RHBDL3: variants seen among roughly 807,000 people sequenced by gnomAD.
RHBDL3 encodes the protein rhomboid-related protein 3.
A neutral mutation model predicts 48.2 loss-of-function variants in RHBDL3; 28 were observed. That is an observed-to-expected ratio of 0.58 (90% CI 0.43 to 0.80). The LOEUF is 0.80. RHBDL3 is among the 30% of genes least tolerant of loss of function. RHBDL3 has a pLI of 0.00. For synonymous variants in RHBDL3, 208 were observed against 232.3 expected, an observed-to-expected ratio of 0.90 and a Z score of 0.95; for missense variants, 464 against 542.7, an observed-to-expected ratio of 0.85 and a Z score of 1.44.
intron 7 of RHBDL3, among the ~76,000 whole-genome samples, 200 bp downstream of exon 7, chr17:32,305,641 G>C (rs1567784152): frequency 6.6e-6 from 1 of 152,126 alleles, no homozygotes; most frequent in African/African-American, 2.4e-5. Flanking sequence ...CTCCAGTCAC[G>C]GCTTGGCCTA....
At chr17:32,282,330 G>A (rs1220695616) in intron 2 of RHBDL3, among the ~76,000 whole-genome samples, 1 of 152,202 alleles carries the variant, frequency 6.6e-6, no homozygotes, top group Non-Finnish European at 1.5e-5. Context: ...ACTTTGGGAA[G>A]CTGAGGCAGG....
intron 6 of RHBDL3, among the ~76,000 whole-genome samples, chr17:32,303,618 G>T (rs954508512): frequency 6.6e-6 from 1 of 152,204 alleles, no homozygotes; most frequent in South Asian, 2.1e-4. Context: ...GGAGGACTTG[G>T]GAGTCCTCAG....
At chr17:32,286,646 T>C (rs1473883948) in intron 3 of RHBDL3, among the ~76,000 whole-genome samples, 3 of 152,250 alleles carry the variant, frequency 2.0e-5, no homozygotes, top group African/African-American at 7.2e-5. Context: ...CTGCATCCTT[T>C]GTGAGCCTTT....
At chr17:32,314,876 C>T (rs2040934036) in intron 7 of RHBDL3, among the ~76,000 whole-genome samples, 1 of 152,200 alleles carries the variant, frequency 6.6e-6, no homozygotes, top group Non-Finnish European at 1.5e-5. Context: ...CAGATGACAC[C>T]GATATCCTGC....
chr17:32,267,875 C>T (rs1361901647), intron 1 of RHBDL3, 27 bp from the exon 2 acceptor site: 1 of 1,613,988 alleles, frequency 6.2e-7, no homozygotes, highest in East Asian at 2.2e-5. Flanking sequence ...TCTTCTTCCT[C>T]TCCTGCATGG....
intron 2 of RHBDL3, among the ~76,000 whole-genome samples, chr17:32,281,906 C>G (rs1436275028): frequency 6.6e-6 from 1 of 152,198 alleles, no homozygotes; most frequent in African/African-American, 2.4e-5. Context: ...GGCACCTGGC[C>G]ATGGCTTAGA....
At chr17:32,284,865 T>A in intron 3 of RHBDL3, 48 bp downstream of exon 3, 1 of 1,524,808 alleles carries the variant, frequency 6.6e-7, no homozygotes. Context: ...GTTTGAGGGT[T>A]ATGGCTTCCA....
Position 32,323,774 on chromosome 17 carries a change from C to G in RHBDL3, c.*2545C>G, listed in dbSNP as rs1440821591. On this transcript the variant is annotated 3_prime_UTR_variant, in exon 9 of 9. Transcript: ENST00000269051. ...TTAGACCACCAGCCCCAGCTGTTCTCTGTCAGCACACCCACCTCCATCCCC... is the reference window on the plus strand; with the variant it reads ...TTAGACCACCAGCCCCAGCTGTTCTGTGTCAGCACACCCACCTCCATCCCC... 6.6e-6 allele frequency: 1 copy of G among 152,574 alleles called. No homozygotes were observed. Among genetic ancestry groups the G allele is most frequent in the East Asian group, 1.9e-4 (1 of 5,204 alleles). 9.5% of individuals were successfully genotyped at this position (152,574 alleles called of 1,614,324 possible). A position where few individuals can be genotyped will look rare whatever the true frequency, so the allele number is the denominator to read the frequency against.
Position 32,284,702 on chromosome 17 carries a change from G to A in RHBDL3, c.179G>A (p.Arg60Gln), listed in dbSNP as rs201683603. ...NTGYISTGKF[R>Q]SLLESHSSKL... The stretch of plus-strand genomic sequence containing the variant: ...GGCTACATTAGCACAGGCAAGTTCC[G>A]GAGTCTTCTGGAGAGCCACAGCTCC... The change falls in exon 3 of 9, where the codon CGG becomes CAG. Residue 60 changes from arginine to glutamine, a missense_variant. By Grantham distance (43) the Arg-to-Gln change is conservative (BLOSUM62 1). Transcript: ENST00000269051. 72 of 1,614,150 alleles carry A rather than the reference G, an allele frequency of 4.5e-5. 1 individual carries two copies. The Middle Eastern group carries it at 4.9e-4, about 11-fold the overall frequency.
intron 3 of RHBDL3, among the ~76,000 whole-genome samples, chr17:32,286,736 G>C: frequency 6.6e-6 from 1 of 152,204 alleles, no homozygotes; most frequent in South Asian, 2.1e-4. Flanking sequence ...TCGTAGTACA[G>C]ACCGCCACAC....
intron 7 of RHBDL3, among the ~76,000 whole-genome samples, chr17:32,307,424 T>A (rs917325449): frequency 2.0e-5 from 3 of 152,202 alleles, no homozygotes; most frequent in Non-Finnish European, 2.9e-5. Flanking sequence ...ATGTTTTTCT[T>A]CCTTATCAAT....
At chr17:32,270,006 G>A (rs529279467) in intron 2 of RHBDL3, among the ~76,000 whole-genome samples, 3 of 151,858 alleles carry the variant, frequency 2.0e-5, no homozygotes, top group Non-Finnish European at 4.4e-5. Flanking sequence ...CCCTGCTTCT[G>A]GGAGGCCTGC....
chr17:32,281,184 T>TGGGGC (rs1352970600), intron 2 of RHBDL3, among the ~76,000 whole-genome samples: 1 of 152,020 alleles, frequency 6.6e-6, no homozygotes, highest in Non-Finnish European at 1.5e-5. Flanking sequence ...TTACTATGCT[T>TGGGGC]GGGGCAGGGC....
At position 32,290,238 on chromosome 17, in the gene RHBDL3, C is replaced by A. The variant is rs1328578918; in HGVS notation, c.519+1222C>A. Reference sequence around the variant, plus strand: ...CCAACACGAATTATAGCTTCCTTCTCTAAGTGTGTGCCGGGCAGGGGGCTG... The same window carrying A: ...CCAACACGAATTATAGCTTCCTTCTATAAGTGTGTGCCGGGCAGGGGGCTG... On this transcript the variant is annotated intron_variant, in intron 4 of 8. Transcript: ENST00000269051. 2.0e-5 allele frequency among the ~76,000 whole-genome samples: 3 copies of A among 152,194 alleles called. No homozygotes were observed. In the East Asian group the frequency reaches 5.8e-4, roughly 29 times the overall value.
At chr17:32,292,678 T>G (rs1482009348) in intron 4 of RHBDL3, among the ~76,000 whole-genome samples, 3 of 151,730 alleles carry the variant, frequency 2.0e-5, no homozygotes, top group Admixed American at 6.6e-5. Flanking sequence ...GTGGCACACG[T>G]CTAATCCCAG....
intron 7 of RHBDL3, among the ~76,000 whole-genome samples, chr17:32,310,904 G>C (rs1355702586): frequency 1.6e-5 from 1 of 63,110 alleles, no homozygotes; most frequent in Admixed American, 1.4e-4. Flanking sequence ...AAAAAAAAAA[G>C]GTTTACTTTA....
At chr17:32,287,437 G>A (rs1184315257) in intron 3 of RHBDL3, among the ~76,000 whole-genome samples, 1 of 152,216 alleles carries the variant, frequency 6.6e-6, no homozygotes, top group Non-Finnish European at 1.5e-5. Flanking sequence ...TTGTAGGCAT[G>A]GAGAGAATGG....
At chr17:32,278,594 C>T (rs1325495700) in intron 2 of RHBDL3, among the ~76,000 whole-genome samples, 20 of 152,270 alleles carry the variant, frequency 1.3e-4, no homozygotes. Flanking sequence ...TTAGCCACAG[C>T]ACTCTAGTGA....
chr17:32,296,283 C>T (rs981003864), intron 5 of RHBDL3, among the ~76,000 whole-genome samples: 43 of 148,740 alleles, frequency 2.9e-4, no homozygotes, highest in Admixed American at 2.0e-4. Context: ...AACAGAAAAC[C>T]TGGGATCCCA....
Sources: gnomAD v4.1 joint callset for allele counts (sites outside exome capture counted in the v4.1 genomes callset) on GRCh38, gnomAD v4.1.1 for gene constraint, MANE v1.5 for transcripts, NCBI Gene and HGNC (gene_info 2026-07-23, HGNC 2026-07-21) for gene names.